The following NTN1 variants were observed in gnomAD, a reference collection of about 807,000 sequenced individuals.
NTN1 encodes netrin 1, also known as netrin-1.
Under a neutral mutation model 54.2 loss-of-function variants are expected in NTN1, and 11 were observed. That is an observed-to-expected ratio of 0.20 (90% CI 0.13 to 0.34). The LOEUF is 0.34. Ranked by LOEUF, NTN1 falls within the 10% of genes least tolerant of loss-of-function variation. The probability of loss-of-function intolerance (pLI) is 1.00; values close to 1 mark genes in which losing one functional copy is unlikely to be tolerated. For synonymous variants in NTN1, 371 were observed against 382.0 expected (o/e 0.97, Z 0.33); for missense variants, 740 against 893.1 (o/e 0.83, Z 2.18).
intron 2 of NTN1, among the ~76,000 whole-genome samples, chr17:9,162,473 T>C (rs2092359673): frequency 6.6e-6 from 1 of 152,174 alleles, no homozygotes; most frequent in Admixed American, 6.5e-5. Flanking sequence ...CCTCATCTCC[T>C]CTTCCTACAA....
At chr17:9,131,908 A>G (rs987146482) in intron 2 of NTN1, among the ~76,000 whole-genome samples, 4 of 151,278 alleles carry the variant, frequency 2.6e-5, no homozygotes, top group Admixed American at 1.3e-4. Flanking sequence ...GGTTCAAGCA[A>G]TTCTCTGCCT....
intron 5 of NTN1, among the ~76,000 whole-genome samples, chr17:9,185,383 C>A (rs1429952278): frequency 6.6e-6 from 1 of 152,176 alleles, no homozygotes; most frequent in Non-Finnish European, 1.5e-5. Flanking sequence ...CTGTGCCAGG[C>A]TGCCTGAGAA....
chr17:9,227,593 T>C (rs1029564392), intron 6 of NTN1, among the ~76,000 whole-genome samples: 13 of 94,100 alleles, frequency 1.4e-4, no homozygotes, highest in Admixed American at 1.2e-3. Context: ...CACGCATGCA[T>C]ACACACACCA....
chr17:9,238,117 C>T (rs1460442506), intron 6 of NTN1, among the ~76,000 whole-genome samples: 1 of 152,136 alleles, frequency 6.6e-6, no homozygotes, highest in East Asian at 1.9e-4. Flanking sequence ...CCTCGGAGTG[C>T]AGGAGCAGAG....
intron 2 of NTN1, among the ~76,000 whole-genome samples, chr17:9,104,458 C>G (rs62069342): frequency 0.049 from 7,433 of 152,242 alleles, 222 homozygotes; most frequent in Non-Finnish European, 0.067. Flanking sequence ...CGAGCAGAAG[C>G]AATGGGCCGT....
intron 3 of NTN1, among the ~76,000 whole-genome samples, chr17:9,167,431 C>T (rs1316133513): frequency 6.6e-6 from 1 of 152,158 alleles, no homozygotes; most frequent in Non-Finnish European, 1.5e-5. Flanking sequence ...TAAAGACATT[C>T]CAGGAGTCTC....
At chr17:9,134,588 A>T (rs2092275427) in intron 2 of NTN1, among the ~76,000 whole-genome samples, 1 of 152,198 alleles carries the variant, frequency 6.6e-6, no homozygotes, top group Non-Finnish European at 1.5e-5. Flanking sequence ...AAAGCTTTCC[A>T]AGTAAGTCTA....
At chr17:9,084,174 C>G (rs751518456) in intron 2 of NTN1, among the ~76,000 whole-genome samples, 1 of 152,174 alleles carries the variant, frequency 6.6e-6, no homozygotes, top group Non-Finnish European at 1.5e-5. Context: ...GTGGCTTGAT[C>G]TAAGCTCACT....
chr17:9,078,497 C>T (rs2092059272), intron 2 of NTN1, among the ~76,000 whole-genome samples: 1 of 152,236 alleles, frequency 6.6e-6, no homozygotes, highest in Non-Finnish European at 1.5e-5. Context: ...AGATGAGTAC[C>T]TGAGAGTCTG....
chr17:9,144,152 T>A (rs2092306479), intron 2 of NTN1, among the ~76,000 whole-genome samples: 2 of 152,088 alleles, frequency 1.3e-5, no homozygotes, highest in Admixed American at 6.6e-5. Context: ...CATCTCGGCC[T>A]CCTAAAGTTC....
At chr17:9,056,282 C>T (rs2091979168) in intron 2 of NTN1, among the ~76,000 whole-genome samples, 1 of 152,196 alleles carries the variant, frequency 6.6e-6, no homozygotes, top group Non-Finnish European at 1.5e-5. Flanking sequence ...GTCTCAAACT[C>T]CTGACCTCAA....
intron 5 of NTN1, among the ~76,000 whole-genome samples, chr17:9,217,878 C>CAAAAAAAAAAAAAAAAAA (rs1555577529): frequency 8.6e-6 from 1 of 116,078 alleles, no homozygotes; most frequent in African/African-American, 3.3e-5. Flanking sequence ...AAAAAAAAAG[C>CAAAAAAAAAAAAAAAAAA]AAACGCAACT....
At chr17:9,162,662 C>T in intron 2 of NTN1, 151 bp from the exon 3 acceptor site, 1 of 723,826 alleles carries the variant, frequency 1.4e-6, no homozygotes, top group Non-Finnish European at 2.3e-6. Context: ...ACAGGAGGAG[C>T]CGAGGAGGAG....
chr17:9,120,316 G>A (rs981502708), intron 2 of NTN1, among the ~76,000 whole-genome samples: 1 of 151,228 alleles, frequency 6.6e-6, no homozygotes, highest in Non-Finnish European at 1.5e-5. Context: ...CCTGGAAGGA[G>A]TGCCTTGCCC....
chr17:9,234,963 G>GT (rs1229784959), intron 6 of NTN1, among the ~76,000 whole-genome samples: 3 of 67,412 alleles, frequency 4.5e-5, no homozygotes, highest in African/African-American at 2.7e-4. Context: ...TTTGTTTTTT[G>GT]GTTTTTTTTT....
chr17:9,139,120 G>A (rs1490056564), intron 2 of NTN1, among the ~76,000 whole-genome samples: 1 of 152,162 alleles, frequency 6.6e-6, no homozygotes, highest in Non-Finnish European at 1.5e-5. Context: ...GTCTTTCGTG[G>A]AGGGGCTCAT....
At chr17:9,171,020 C>G (rs191411764) in intron 3 of NTN1, 2 of 152,206 alleles carry the variant, frequency 1.3e-5, no homozygotes, top group Non-Finnish European at 2.9e-5. Context: ...TCCCCTCCCC[C>G]CAACTTCCTG....
chr17:9,228,847 T>TGTGTGTGTGTGTGTGTGA (rs1555579162), intron 6 of NTN1, among the ~76,000 whole-genome samples: 4 of 114,918 alleles, frequency 3.5e-5, no homozygotes, highest in African/African-American at 1.5e-4. Flanking sequence ...TGTGTGTGTG[T>TGTGTGTGTGTGTGTGTGA]GTGTGACTGT....
At chr17:9,071,925 G>A (rs1280208491) in intron 2 of NTN1, among the ~76,000 whole-genome samples, 1 of 152,172 alleles carries the variant, frequency 6.6e-6, no homozygotes, top group East Asian at 1.9e-4. Flanking sequence ...GCCTTATATG[G>A]TGGCCCCTAC....
Sources: allele counts gnomAD v4.1 joint callset (sites outside exome capture counted in the v4.1 genomes callset), GRCh38; gene constraint gnomAD v4.1.1; transcripts MANE v1.5; gene names NCBI Gene and HGNC (gene_info 2026-07-23, HGNC 2026-07-21).